TBXAS1: variants seen among roughly 807,000 people sequenced by gnomAD.
TBXAS1 encodes thromboxane A synthase 1, also known as thromboxane-A synthase.
A neutral mutation model predicts 60.7 loss-of-function variants in TBXAS1; 48 were observed. The observed-to-expected ratio is 0.79, with a 90% CI of 0.63 to 1.01. The LOEUF is 1.01. TBXAS1 is among the 50% of genes least tolerant of loss of function. The pLI, the probability that TBXAS1 is intolerant of heterozygous loss-of-function variation, is 0.00. For missense variants in TBXAS1, 685 were observed against 686.3 expected (o/e 1.00, Z 0.02); for synonymous variants, 287 against 269.7 (o/e 1.06, Z -0.63).
intron 3 of TBXAS1, among the ~76,000 whole-genome samples, chr7:139,898,738 G>A (rs1314905651): frequency 6.6e-6 from 1 of 152,194 alleles, no homozygotes; most frequent in Admixed American, 6.5e-5. Flanking sequence ...CAGCAGCAGG[G>A]TGTGGCCCAT....
intron 4 of TBXAS1, among the ~76,000 whole-genome samples, chr7:139,928,216 A>T (rs1017414005): frequency 6.6e-6 from 1 of 152,158 alleles, no homozygotes; most frequent in African/African-American, 2.4e-5. Context: ...AGTTTTTATC[A>T]ATTTTCTTCT....
chr7:139,972,948 G>A (rs966919696), intron 9 of TBXAS1, among the ~76,000 whole-genome samples: 2 of 152,086 alleles, frequency 1.3e-5, no homozygotes, highest in African/African-American at 2.4e-5. Context: ...GAGGGGGGAC[G>A]AGCAGGGAGG....
chr7:139,929,522 A>T (rs1807148728), intron 4 of TBXAS1, among the ~76,000 whole-genome samples: 1 of 152,198 alleles, frequency 6.6e-6, no homozygotes, highest in Admixed American at 6.5e-5. Flanking sequence ...GTAATCGAAA[A>T]AGGTTGCTTT....
chr7:139,832,418 A>AG (rs1192467746), intron 1 of TBXAS1, among the ~76,000 whole-genome samples: 3 of 151,464 alleles, frequency 2.0e-5, no homozygotes, highest in Non-Finnish European at 4.4e-5. Flanking sequence ...CAAAGAAAAA[A>AG]AATAAAAAAA....
At chr7:140,005,597 G>A (rs1814015651) in intron 9 of TBXAS1, among the ~76,000 whole-genome samples, 1 of 152,144 alleles carries the variant, frequency 6.6e-6, no homozygotes, top group Non-Finnish European at 1.5e-5. Context: ...ACCTTCTAAA[G>A]TTAGAACCGT....
chr7:139,978,163 TC>T (rs1389301684), intron 9 of TBXAS1, among the ~76,000 whole-genome samples: 1 of 152,164 alleles, frequency 6.6e-6, no homozygotes, highest in Non-Finnish European at 1.5e-5. Context: ...CAAGCAGTGA[TC>T]CTGTGGGGTC....
In TBXAS1 at chr7:140,004,215, A is replaced by G. The variant is rs1813892739; in HGVS notation, c.1135-2876A>G. 6.6e-6 allele frequency among the ~76,000 whole-genome samples: 1 copy of G among 152,268 alleles called. No individual in the cohort carries two copies. The highest frequency in any genetic ancestry group is 1.5e-5 in the Non-Finnish European group (1 of 68,048). On this transcript the variant is annotated intron_variant, in intron 9 of 12. Coordinates refer to ENST00000448866, the MANE Select transcript of TBXAS1 (RefSeq NM_001061.7). The surrounding 1 kb of genome is among the most constrained non-coding windows in gnomAD (Gnocchi z 5.1). Reference sequence around the variant, plus strand: ...GCTGGCTACAGGATCTGTGAGGCCCAGTGAGAAATAAAAGCGTGGTAGCCT... The same window carrying G: ...GCTGGCTACAGGATCTGTGAGGCCCGGTGAGAAATAAAAGCGTGGTAGCCT...
intron 1 of TBXAS1, among the ~76,000 whole-genome samples, chr7:139,844,118 T>G (rs2116596590): frequency 1.3e-5 from 2 of 152,242 alleles, no homozygotes; most frequent in East Asian, 3.9e-4. Context: ...AAGGAGGGGA[T>G]GATGGAATGC....
At chr7:139,984,166 C>T (rs1055812722) in intron 9 of TBXAS1, among the ~76,000 whole-genome samples, 1 of 152,212 alleles carries the variant, frequency 6.6e-6, no homozygotes, top group Non-Finnish European at 1.5e-5. Context: ...CCCTAAGCCT[C>T]GCTTCTTCAC....
rs571470374 is a variant in TBXAS1 at position 139,778,907 on chromosome 7, G to C, written c.-318+436G>C. Among the ~76,000 whole-genome samples the C allele has an allele frequency of 6.6e-6, 1 of 152,272 alleles. No homozygotes were observed. Among genetic ancestry groups the C allele is most frequent in the East Asian group, 1.9e-4 (1 of 5,184 alleles). ...GGAAGACTTGTTGAGTCTCCTCTTAGGCACTGTTTTTAAAACTGTGGGTCG... is the reference window on the plus strand; with the variant it reads ...GGAAGACTTGTTGAGTCTCCTCTTACGCACTGTTTTTAAAACTGTGGGTCG... On this transcript the variant is annotated intron_variant, in intron 1 of 16. Coordinates refer to the TBXAS1 transcript ENST00000336425. This position sits in a 1 kb window ranked among gnomAD's most constrained non-coding sequence, Gnocchi z 4.8.
chr7:139,783,685 A>G (rs1797072742), intron 3 of TBXAS1, among the ~76,000 whole-genome samples: 1 of 152,228 alleles, frequency 6.6e-6, no homozygotes, highest in African/African-American at 2.4e-5. Flanking sequence ...AGCCTACCTC[A>G]GCCATGAATC....
intron 4 of TBXAS1, among the ~76,000 whole-genome samples, chr7:139,934,638 G>T (rs1374714992): frequency 2.0e-5 from 3 of 152,202 alleles, no homozygotes; most frequent in Non-Finnish European, 4.4e-5. Context: ...CTGAAGTCAA[G>T]GTGTCAGCAG....
At chr7:139,988,952 AGGTTCACC>A (rs1221973715) in intron 9 of TBXAS1, among the ~76,000 whole-genome samples, 5 of 152,184 alleles carry the variant, frequency 3.3e-5, no homozygotes, top group Admixed American at 3.3e-4. Flanking sequence ...GGGGAGAGGC[AGGTTCACC>A]CAGCTGTCTG....
At chr7:139,840,994 C>G (rs1799400642) in intron 1 of TBXAS1, among the ~76,000 whole-genome samples, 1 of 151,188 alleles carries the variant, frequency 6.6e-6, no homozygotes. Context: ...ATGGGTCAGT[C>G]TGTGCTGCCG....
chr7:139,832,299 A>G (rs899628732), intron 1 of TBXAS1, among the ~76,000 whole-genome samples: 2 of 152,194 alleles, frequency 1.3e-5, no homozygotes, highest in Non-Finnish European at 2.9e-5. Flanking sequence ...CTTTGGACAC[A>G]CTTTTAGAAA....
intron 3 of TBXAS1, 139 bp downstream of exon 3, chr7:139,875,776 C>T: frequency 8.7e-7 from 1 of 1,148,954 alleles, no homozygotes; most frequent in South Asian, 1.3e-5. Context: ...TCAAAGGGCC[C>T]ACAAAGAGGG....
intron 1 of TBXAS1, among the ~76,000 whole-genome samples, chr7:139,861,174 CAAA>C (rs11336231): frequency 5.4e-5 from 7 of 130,006 alleles, no homozygotes; most frequent in East Asian, 2.3e-4. Context: ...AACTCTGTCT[CAAA>C]AAAAAAAAAA....
intron 4 of TBXAS1, among the ~76,000 whole-genome samples, chr7:139,792,541 AAAAC>A (rs1182290382): frequency 2.0e-5 from 3 of 152,364 alleles, no homozygotes; most frequent in African/African-American, 7.2e-5. Context: ...CAATGAAAAC[AAAAC>A]AAACAGACAT....
At chr7:140,011,775 GAA>G (rs1163510303) in intron 10 of TBXAS1, among the ~76,000 whole-genome samples, 4 of 152,114 alleles carry the variant, frequency 2.6e-5, no homozygotes, top group Non-Finnish European at 4.4e-5. Context: ...GTTGCACAAT[GAA>G]TGTACTAAAA....
Sources: allele counts gnomAD v4.1 joint callset (sites outside exome capture counted in the v4.1 genomes callset), GRCh38; gene constraint gnomAD v4.1.1; non-coding constraint Gnocchi (gnomAD v3.1); transcripts MANE v1.5; gene names NCBI Gene and HGNC (gene_info 2026-07-23, HGNC 2026-07-21).